Variants in SLC35F4 observed in about 807,000 individuals in gnomAD.
The protein encoded by SLC35F4 is solute carrier family 35 member F4, also known as chromosome 14 open reading frame 36.
A neutral mutation model predicts 44.2 loss-of-function variants in SLC35F4; 24 were observed. That is an observed-to-expected ratio of 0.54 (90% CI 0.39 to 0.76). The LOEUF (loss-of-function observed/expected upper bound fraction) is 0.76. Among genes scored for constraint, SLC35F4 ranks in the 30% least tolerant of loss-of-function variants. The probability of loss-of-function intolerance (pLI) is 0.00; values close to 1 mark genes in which losing one functional copy is unlikely to be tolerated. For missense variants in SLC35F4, 562 were observed against 586.1 expected (o/e 0.96, Z 0.42); for synonymous variants, 238 against 223.6 (o/e 1.06, Z -0.57).
chr14:57,937,785 G>A (rs370262143), intron 1 of SLC35F4, among the ~76,000 whole-genome samples: 2 of 152,134 alleles, frequency 1.3e-5, no homozygotes, highest in Non-Finnish European at 2.9e-5. Flanking sequence ...GAAGGTGAAC[G>A]TCTGGGCAGA....
intron 1 of SLC35F4, among the ~76,000 whole-genome samples, chr14:57,733,478 G>A (rs1242995680): frequency 1.3e-5 from 2 of 149,612 alleles, no homozygotes; most frequent in Non-Finnish European, 1.5e-5. Context: ...TTTAGATATA[G>A]CCAGAAAAAG....
At chr14:57,566,908 T>G (rs2068236023) in intron 6 of SLC35F4, among the ~76,000 whole-genome samples, 1 of 152,246 alleles carries the variant, frequency 6.6e-6, no homozygotes, top group African/African-American at 2.4e-5. Flanking sequence ...TGATTGAAGA[T>G]GGTGCCTCAT....
intron 1 of SLC35F4, among the ~76,000 whole-genome samples, chr14:57,683,314 T>C (rs972975549): frequency 6.6e-6 from 1 of 152,226 alleles, no homozygotes; most frequent in African/African-American, 2.4e-5. Flanking sequence ...ATAAAATTAT[T>C]TCAGCAAAAG....
chr14:57,879,011 A>G (rs1036948617), intron 1 of SLC35F4, among the ~76,000 whole-genome samples: 9 of 152,296 alleles, frequency 5.9e-5, no homozygotes, highest in African/African-American at 2.2e-4. Flanking sequence ...CATCTCTGCC[A>G]TCTCCATCCA....
chr14:57,848,800 TG>T (rs1886263855), intron 1 of SLC35F4, among the ~76,000 whole-genome samples: 1 of 152,184 alleles, frequency 6.6e-6, no homozygotes, highest in Non-Finnish European at 1.5e-5. Context: ...TATAAATGAT[TG>T]GCATTTTCTA....
chr14:57,599,632 A>G (rs1433924469), intron 1 of SLC35F4, among the ~76,000 whole-genome samples: 2 of 152,152 alleles, frequency 1.3e-5, no homozygotes, highest in Non-Finnish European at 2.9e-5. Context: ...ACCTGAGGTC[A>G]GTAGTTCAAG....
At chr14:57,743,925 G>A (rs1365578360) in intron 1 of SLC35F4, among the ~76,000 whole-genome samples, 1 of 152,142 alleles carries the variant, frequency 6.6e-6, no homozygotes, top group Non-Finnish European at 1.5e-5. Context: ...TTCAACAGAT[G>A]CAAATCAATA....
At chr14:57,709,498 T>C (rs1447063413) in intron 1 of SLC35F4, among the ~76,000 whole-genome samples, 1 of 152,128 alleles carries the variant, frequency 6.6e-6, no homozygotes, top group African/African-American at 2.4e-5. Flanking sequence ...TCATATATAA[T>C]CATATCTATG....
chr14:57,862,033 A>G lies in SLC35F4; in HGVS notation c.103+3690T>C, dbSNP rs552412037. On this transcript the variant is annotated intron_variant, in intron 1 of 7. Coordinates refer to ENST00000556826, the MANE Select transcript of SLC35F4 (RefSeq NM_001306087.2). ...TTACTCTACATCTCCAATTACATTTAGTATCTCTAAAACGTTATCCTTATC... is the reference window on the plus strand; with the variant it reads ...TTACTCTACATCTCCAATTACATTTGGTATCTCTAAAACGTTATCCTTATC... 6.6e-5 allele frequency among the ~76,000 whole-genome samples: 10 copies of G among 152,300 alleles called. No individual in the cohort carries two copies. In the South Asian group the frequency reaches 1.0e-3, roughly 16 times the overall value.
chr14:57,927,082 G>C (rs1889589049), intron 1 of SLC35F4, among the ~76,000 whole-genome samples: 1 of 152,222 alleles, frequency 6.6e-6, no homozygotes, highest in Admixed American at 6.5e-5. Flanking sequence ...ACCTGCCTCA[G>C]AGATGGCCCC....
chr14:57,737,293 C>T (rs2076491180), intron 1 of SLC35F4, among the ~76,000 whole-genome samples: 1 of 152,016 alleles, frequency 6.6e-6, no homozygotes. Flanking sequence ...CCTGGGCTGA[C>T]ATATCACCCC....
rs144765983 is a variant in SLC35F4 at position 57,947,775 on chromosome 14, T to C, written n.282+34138A>G. Among the ~76,000 whole-genome samples, 26 of 152,352 alleles carry C rather than the reference T, an allele frequency of 1.7e-4. No homozygotes were observed. The East Asian group carries it at 4.8e-3, about 28-fold the overall frequency. Reference sequence around the variant, plus strand: ...TTATCAAATGCTTTTCCTGCTTCTATTGAGATGATCATATGATTTTTGTTT... The same window carrying C: ...TTATCAAATGCTTTTCCTGCTTCTACTGAGATGATCATATGATTTTTGTTT... On this transcript the variant is annotated intron_variant and non_coding_transcript_variant, in intron 1 of 1. Transcript: ENST00000556568.
At chr14:57,582,560 A>G (rs915315701) in intron 3 of SLC35F4, among the ~76,000 whole-genome samples, 1 of 152,220 alleles carries the variant, frequency 6.6e-6, no homozygotes, top group African/African-American at 2.4e-5. Context: ...CAATAATGGA[A>G]GTGATACAAT....
At chr14:57,662,717 G>A (rs1285279461) in intron 1 of SLC35F4, among the ~76,000 whole-genome samples, 1 of 152,144 alleles carries the variant, frequency 6.6e-6, no homozygotes, top group African/African-American at 2.4e-5. Flanking sequence ...AATAGAAAAT[G>A]GACTAAAACA....
intron 1 of SLC35F4, among the ~76,000 whole-genome samples, chr14:57,644,795 G>A (rs1594685687): frequency 6.6e-6 from 1 of 152,158 alleles, no homozygotes; most frequent in African/African-American, 2.4e-5. Context: ...ATTAATTTTT[G>A]TATAAGGTGT....
chr14:57,981,946 T>C (rs1881394797), exon 1 of SLC35F4: 1 of 152,120 alleles, frequency 6.6e-6, no homozygotes, highest in Admixed American at 6.5e-5. Flanking sequence ...TGCCAGGTTT[T>C]TTGCAACTCA....
intron 1 of SLC35F4, among the ~76,000 whole-genome samples, chr14:57,936,181 G>A (rs926390141): frequency 2.6e-5 from 4 of 152,170 alleles, no homozygotes; most frequent in African/African-American, 9.7e-5. Context: ...CAAAAAGATG[G>A]ACCATTTGCT....
At chr14:57,826,572 C>T (rs770024791) in intron 1 of SLC35F4, among the ~76,000 whole-genome samples, 2 of 151,772 alleles carry the variant, frequency 1.3e-5, no homozygotes, top group Non-Finnish European at 2.9e-5. Context: ...AGTAAACAGA[C>T]AACCTAAAGA....
At chr14:57,670,952 T>A (rs1238992166) in intron 1 of SLC35F4, among the ~76,000 whole-genome samples, 1 of 137,890 alleles carries the variant, frequency 7.3e-6, no homozygotes, top group Admixed American at 7.9e-5. Flanking sequence ...TCACCCAGGC[T>A]GGAGTGCAGT....
Sources: allele counts gnomAD v4.1 joint callset (sites outside exome capture counted in the v4.1 genomes callset), GRCh38; gene constraint gnomAD v4.1.1; transcripts MANE v1.5; gene names NCBI Gene and HGNC (gene_info 2026-07-23, HGNC 2026-07-21).